Variants in MEIS2 observed in about 807,000 individuals in gnomAD.
MEIS2 encodes the protein Meis homeobox 2, also known as homeobox protein Meis2.
A neutral mutation model predicts 58.6 loss-of-function variants in MEIS2; 9 were observed. The observed-to-expected ratio is 0.15, with a 90% CI of 0.09 to 0.27. The LOEUF is 0.27. Ranked by LOEUF, MEIS2 falls within the 10% of genes least tolerant of loss-of-function variation. MEIS2 has a pLI of 1.00. For missense variants in MEIS2, 427 were observed against 635.0 expected, an observed-to-expected ratio of 0.67 and a Z score of 3.52; for synonymous variants, 221 against 228.4, an observed-to-expected ratio of 0.97 and a Z score of 0.29.
chr15:37,099,754 T>G lies in MEIS2; in HGVS notation c.-288A>C. 1 of 319,118 alleles carries G rather than the reference T, an allele frequency of 3.1e-6. No homozygotes were observed. 19.8% of individuals were successfully genotyped at this position (319,118 alleles called of 1,614,324 possible). ...CTCCTCCTCCCCCCTCCCCTCCTCC[T>G]CCTCTTCGGTCCTCCTTTCCCCCTC... On this transcript the variant is annotated 5_prime_UTR_variant, in exon 1 of 12. Coordinates refer to ENST00000561208, the MANE Select transcript of MEIS2 (RefSeq NM_170675.5).
At position 36,892,340 on chromosome 15, in the gene MEIS2, G is replaced by A. The variant is rs753026080; in HGVS notation, c.1267C>T (p.Pro423Ser). The change falls in exon 12 of 12, where the codon CCC becomes TCC. Residue 423 changes from proline to serine, a missense_variant. Physicochemically the swap from Pro to Ser is moderately conservative, Grantham distance 74. Transcript: ENST00000561208. ...TPHPTQLRHG[P>S]PMHSYLPSHP... ...CTTGGCAAATATGAATGCATTGGGGGTCCATGTCTTAATTGAGTAGGGTGT... is the reference window on the plus strand; with the variant it reads ...CTTGGCAAATATGAATGCATTGGGGATCCATGTCTTAATTGAGTAGGGTGT... 6.2e-7 allele frequency: 1 copy of A among 1,613,874 alleles called. No individual in the cohort carries two copies. The highest frequency in any genetic ancestry group is 1.3e-5 in the African/African-American group (1 of 74,974).
Position 37,057,817 on chromosome 15 carries a change from G to C in MEIS2, c.755-20858C>G, listed in dbSNP as rs571096597. Among the ~76,000 whole-genome samples, 9 of 152,250 alleles carry C rather than the reference G, an allele frequency of 5.9e-5. No homozygotes were observed. The East Asian group carries it at 1.7e-3, about 29-fold the overall frequency. ...ACAGAATGACAGACGACAGGGTAAA[G>C]AGAGTAATCAAGAAGCCGAGGCTTG... On this transcript the variant is annotated intron_variant, in intron 7 of 11. Transcript: ENST00000561208.
At chr15:36,954,227 C>T (rs73391518) in intron 8 of MEIS2, among the ~76,000 whole-genome samples, 18,428 of 151,420 alleles carry the variant, frequency 0.12, 1,220 homozygotes, top group African/African-American at 0.18. Context: ...GTAAAAAAAG[C>T]AAGTTGTAGA....
chr15:37,094,773 C>T (rs1246633746), intron 4 of MEIS2, among the ~76,000 whole-genome samples, 196 bp from the exon 5 acceptor site: 1 of 151,966 alleles, frequency 6.6e-6, no homozygotes, highest in Non-Finnish European at 1.5e-5. Context: ...CCTCATTGGC[C>T]ACGGGGTAGG....
At chr15:37,046,351 C>A (rs949035015) in intron 7 of MEIS2, among the ~76,000 whole-genome samples, 1 of 152,148 alleles carries the variant, frequency 6.6e-6, no homozygotes. Context: ...ATGAGCTAAC[C>A]TTCCAGAAGA....
intron 8 of MEIS2, among the ~76,000 whole-genome samples, chr15:37,027,184 T>C (rs1295797586): frequency 1.3e-5 from 2 of 152,176 alleles, no homozygotes; most frequent in African/African-American, 2.4e-5. Context: ...CTGGATATCA[T>C]CTTTACACTT....
intron 7 of MEIS2, among the ~76,000 whole-genome samples, chr15:37,038,905 G>A (rs1472594021): frequency 6.6e-6 from 1 of 152,170 alleles, no homozygotes; most frequent in Non-Finnish European, 1.5e-5. Context: ...ACTGCTGCAA[G>A]GCAAATTCTC....
At chr15:37,048,687 A>T (rs1311980866) in intron 7 of MEIS2, among the ~76,000 whole-genome samples, 1 of 152,114 alleles carries the variant, frequency 6.6e-6, no homozygotes, top group East Asian at 1.9e-4. Flanking sequence ...AGTGTGAAAA[A>T]AACCCACAAT....
Position 37,099,632 on chromosome 15 carries a change from A to C in MEIS2, c.-166T>G, listed in dbSNP as rs751834587. 37 of 906,598 alleles carry C rather than the reference A, an allele frequency of 4.1e-5. No homozygotes were observed. The highest frequency in any genetic ancestry group is 5.2e-5 in the Non-Finnish European group (33 of 630,722). The allele number at this position is 906,598 out of a possible 1,614,324, so 56.2% of individuals were successfully genotyped here. A position where few individuals can be genotyped will look rare whatever the true frequency, so the allele number is the denominator to read the frequency against. On this transcript the variant is annotated 5_prime_UTR_variant, in exon 1 of 12. Transcript: ENST00000561208. The stretch of plus-strand genomic sequence containing the variant: ...TTAGGGGGGAAAAAAAGCCCAGTCT[A>C]GACAACGAAGAATTTTTTTTTCTGT...
At chr15:37,020,578 C>T (rs1431344669) in intron 8 of MEIS2, among the ~76,000 whole-genome samples, 2 of 151,964 alleles carry the variant, frequency 1.3e-5, no homozygotes, top group South Asian at 2.1e-4. Context: ...CTCAGGTTCT[C>T]TACTCCAAGA....
chr15:36,979,473 T>G (rs2059862352), intron 8 of MEIS2, among the ~76,000 whole-genome samples: 1 of 152,034 alleles, frequency 6.6e-6, no homozygotes, highest in South Asian at 2.1e-4. Context: ...GCCAATATGA[T>G]AGGTGAAAAT....
intron 8 of MEIS2, among the ~76,000 whole-genome samples, chr15:36,956,974 C>A (rs564294358): frequency 6.7e-6 from 1 of 149,590 alleles, no homozygotes; most frequent in African/African-American, 2.4e-5. Flanking sequence ...AGAAATGATT[C>A]ATTTTGCTTT....
chr15:36,906,651 G>GAAA (rs56715244), intron 9 of MEIS2, among the ~76,000 whole-genome samples: 125 of 96,518 alleles, frequency 1.3e-3, no homozygotes, highest in African/African-American at 4.7e-3. Flanking sequence ...AGCCACTCAA[G>GAAA]AAAAAAAAAA....
chr15:37,084,030 G>T, intron 6 of MEIS2, 145 bp from the exon 7 acceptor site: 1 of 628,768 alleles, frequency 1.6e-6, no homozygotes. Flanking sequence ...CCATGTTATG[G>T]TGTGCTGTCT....
At chr15:37,039,779 T>C (rs978846519) in intron 7 of MEIS2, among the ~76,000 whole-genome samples, 2 of 152,222 alleles carry the variant, frequency 1.3e-5, no homozygotes. Context: ...TAAACAATAA[T>C]GTGTCTAGTT....
At chr15:36,971,553 A>AAAAAAAAAAAAAAAAG (rs1555438306) in intron 8 of MEIS2, among the ~76,000 whole-genome samples, 2 of 132,060 alleles carry the variant, frequency 1.5e-5, no homozygotes, top group East Asian at 2.6e-4. Flanking sequence ...AAAAAAAAAA[A>AAAAAAAAAAAAAAAAG]AAAAAAAAAA....
At chr15:36,901,588 T>C (rs1026195084) in intron 9 of MEIS2, among the ~76,000 whole-genome samples, 1 of 152,184 alleles carries the variant, frequency 6.6e-6, no homozygotes, top group Admixed American at 6.5e-5. Context: ...TGGATCATAA[T>C]GAATTTCCCT....
intron 7 of MEIS2, among the ~76,000 whole-genome samples, chr15:37,079,630 T>G (rs1402753926): frequency 6.6e-6 from 1 of 152,144 alleles, no homozygotes; most frequent in Non-Finnish European, 1.5e-5. Context: ...CTATAAACAC[T>G]TACATTCACT....
In MEIS2 at chr15:37,043,589, C is replaced by T. The variant is rs918258733; in HGVS notation, c.755-6630G>A. On this transcript the variant is annotated intron_variant, in intron 7 of 11. Coordinates refer to ENST00000561208, the MANE Select transcript of MEIS2 (RefSeq NM_170675.5). ...TGAACTTAATGTTTTTGCCTATAGT[C>T]GGATACATATATACATTTACATATG... Among the ~76,000 whole-genome samples, 10 of 151,680 alleles carry T rather than the reference C, an allele frequency of 6.6e-5. No individual in the cohort carries two copies. In the East Asian group the frequency reaches 1.4e-3, roughly 21 times the overall value.
Sources: gnomAD v4.1 joint callset for allele counts (sites outside exome capture counted in the v4.1 genomes callset) on GRCh38, gnomAD v4.1.1 for gene constraint, MANE v1.5 for transcripts, NCBI Gene and HGNC (gene_info 2026-07-23, HGNC 2026-07-21) for gene names.